SPAST: variants seen among roughly 807,000 people sequenced by gnomAD.
The protein encoded by SPAST is spastic paraplegia 4 (autosomal dominant; spastin).
SPAST carries 30 observed loss-of-function variants against 76.6 expected under a neutral mutation model. That is an observed-to-expected ratio of 0.39 (90% CI 0.29 to 0.53). The LOEUF is 0.53. SPAST is among the 20% of genes least tolerant of loss of function. SPAST has a pLI of 0.68. For synonymous variants in SPAST, 305 were observed against 281.0 expected (o/e 1.09, Z -0.86); for missense variants, 717 against 770.5 (o/e 0.93, Z 0.82).
chr2:32,131,293 G>A (rs997579647), intron 9 of SPAST, among the ~76,000 whole-genome samples: 1 of 152,032 alleles, frequency 6.6e-6, no homozygotes, highest in Admixed American at 6.6e-5. Flanking sequence ...ACTATTCCCC[G>A]TTATTATTCT....
At chr2:32,073,029 C>T (rs973911487) in intron 1 of SPAST, among the ~76,000 whole-genome samples, 3 of 152,106 alleles carry the variant, frequency 2.0e-5, no homozygotes, top group Non-Finnish European at 2.9e-5. Context: ...ACCAAAGACA[C>T]AAAAAAGCAG....
chr2:32,108,622 TG>T (rs1488894837), intron 4 of SPAST, among the ~76,000 whole-genome samples: 3 of 152,102 alleles, frequency 2.0e-5, no homozygotes, highest in African/African-American at 7.2e-5. Context: ...AGCTAATTTT[TG>T]TATTTTTTGT....
chr2:32,129,593 AAGT>A (rs1260440590), intron 9 of SPAST: 4 of 152,158 alleles, frequency 2.6e-5, no homozygotes, highest in African/African-American at 9.7e-5. Context: ...CAAAACTGTG[AAGT>A]AGTTTCTGTC....
chr2:32,140,644 C>T (rs1476344252), intron 12 of SPAST, among the ~76,000 whole-genome samples: 2 of 151,424 alleles, frequency 1.3e-5, no homozygotes, highest in Non-Finnish European at 2.9e-5. Context: ...ATTTTTTGGT[C>T]AGGCGTCATG....
chr2:32,116,050 C>A, intron 6 of SPAST, 69 bp from the exon 7 acceptor site: 1 of 1,174,104 alleles, frequency 8.5e-7, no homozygotes, highest in Non-Finnish European at 1.3e-6. Context: ...TGTCATAGGG[C>A]TTAGGCTTCA....
At chr2:32,109,717 A>T (rs2148726673) in intron 4 of SPAST, among the ~76,000 whole-genome samples, 1 of 149,244 alleles carries the variant, frequency 6.7e-6, no homozygotes, top group Non-Finnish European at 1.5e-5. Flanking sequence ...ATAACTAAAA[A>T]TAACTATATG....
intron 1 of SPAST, among the ~76,000 whole-genome samples, chr2:32,076,384 T>A (rs1481440016): frequency 1.3e-5 from 2 of 152,186 alleles, no homozygotes; most frequent in African/African-American, 4.8e-5. Context: ...CTAAATGTTT[T>A]ATTAAATTTT....
Position 32,137,197 on chromosome 2 carries a change from A to C in SPAST, c.1493+9A>C, listed in dbSNP as rs773652150. ...GATGAGGCTGTTCTCAGGTAGGGAGATTTATATGGAAATACATGCATTTAT... is the reference window on the plus strand; with the variant it reads ...GATGAGGCTGTTCTCAGGTAGGGAGCTTTATATGGAAATACATGCATTTAT... On this transcript the variant is annotated intron_variant, in intron 12 of 16. Coordinates refer to ENST00000315285, the MANE Select transcript of SPAST (RefSeq NM_014946.4). 1.1e-5 allele frequency: 17 copies of C among 1,588,438 alleles called. No individual in the cohort carries two copies. The highest frequency in any genetic ancestry group is 1.5e-5 in the Non-Finnish European group (17 of 1,156,670).
chr2:32,144,870 G>A, intron 14 of SPAST, 67 bp from the exon 15 acceptor site: 1 of 1,097,922 alleles, frequency 9.1e-7, no homozygotes, highest in South Asian at 1.3e-5. Context: ...GGCAACAAGA[G>A]CAAAACTCCA....
At chr2:32,098,670 C>A in intron 3 of SPAST, 126 bp from the exon 4 acceptor site, 1 of 622,272 alleles carries the variant, frequency 1.6e-6, no homozygotes, top group South Asian at 2.0e-5. Flanking sequence ...AATGCAAAAA[C>A]TTTTTATCAT....
chr2:32,080,314 A>G (rs924583597), intron 1 of SPAST, among the ~76,000 whole-genome samples: 3 of 152,172 alleles, frequency 2.0e-5, no homozygotes, highest in African/African-American at 7.2e-5. Context: ...TAAGCTCTGC[A>G]GCATAACTAC....
chr2:32,064,562 C>G (rs1309229710), intron 1 of SPAST, among the ~76,000 whole-genome samples: 2 of 152,348 alleles, frequency 1.3e-5, no homozygotes, highest in South Asian at 4.1e-4. Flanking sequence ...AGTGACCACA[C>G]TGATCCTTTC....
intron 1 of SPAST, chr2:32,077,994 T>G (rs13033833): frequency 0.4 from 60,332 of 151,574 alleles, 12,256 homozygotes; most frequent in East Asian, 0.64. Context: ...TTGTTTTGTT[T>G]TGTTTTGTTT....
At chr2:32,148,940 C>T (rs550539294) in intron 16 of SPAST, among the ~76,000 whole-genome samples, 1 of 150,848 alleles carries the variant, frequency 6.6e-6, no homozygotes, top group African/African-American at 2.4e-5. Flanking sequence ...CCCCATTGCA[C>T]TCTAGCCTGG....
intron 13 of SPAST, 24 bp downstream of exon 13, chr2:32,141,970 T>A: frequency 6.2e-7 from 1 of 1,603,624 alleles, no homozygotes; most frequent in Non-Finnish European, 8.5e-7. Flanking sequence ...TTTGAATTTT[T>A]TTTGTTTTAG....
intron 5 of SPAST, among the ~76,000 whole-genome samples, chr2:32,115,184 G>C (rs1678782424): frequency 6.6e-6 from 1 of 152,026 alleles, no homozygotes; most frequent in South Asian, 2.1e-4. Flanking sequence ...CCGACCTCAG[G>C]TGATCCGCCT....
Position 32,156,453 on chromosome 2 carries a change from AG to A in SPAST, c.*1961del, listed in dbSNP as rs1263612743. The stretch of plus-strand genomic sequence containing the variant: ...AATAAAAATGAGAGTTGAGATAAAT[AG>A]GGGAAAAAAAATTTTTTTCAAGCCA... On this transcript the variant is annotated 3_prime_UTR_variant, in exon 17 of 17. Transcript: ENST00000315285. 2.6e-5 allele frequency: 4 copies of A among 152,170 alleles called. No homozygotes were observed. Among genetic ancestry groups the A allele is most frequent in the Admixed American group, 2.6e-4 (4 of 15,266 alleles). 9.4% of individuals were successfully genotyped at this position (152,170 alleles called of 1,614,324 possible).
intron 4 of SPAST, among the ~76,000 whole-genome samples, chr2:32,101,499 G>A (rs2148719918): frequency 6.6e-6 from 1 of 152,260 alleles, no homozygotes; most frequent in East Asian, 1.9e-4. Context: ...GGCTTTTGTT[G>A]CCATTGCTTT....
intron 4 of SPAST, among the ~76,000 whole-genome samples, chr2:32,099,636 C>G (rs1389486508): frequency 6.6e-6 from 1 of 152,074 alleles, no homozygotes; most frequent in Middle Eastern, 3.2e-3. Flanking sequence ...TCATTTCCAT[C>G]ATCCCAAACA....
Sources: gnomAD v4.1 joint callset for allele counts (sites outside exome capture counted in the v4.1 genomes callset) on GRCh38, gnomAD v4.1.1 for gene constraint, MANE v1.5 for transcripts, NCBI Gene and HGNC (gene_info 2026-07-23, HGNC 2026-07-21) for gene names.